Variants in POLDIP3 observed in about 807,000 individuals in gnomAD.
POLDIP3 encodes the protein DNA polymerase delta interacting protein 3.
POLDIP3 carries 14 observed loss-of-function variants against 45.1 expected under a neutral mutation model. That is an observed-to-expected ratio of 0.31 (90% confidence interval 0.20 to 0.49). The LOEUF is 0.49. Among genes scored for constraint, POLDIP3 ranks in the 20% least tolerant of loss-of-function variants. The pLI is 0.99. For synonymous variants in POLDIP3, 223 were observed against 205.2 expected, an observed-to-expected ratio of 1.09 and a Z score of -0.74; for missense variants, 511 against 538.8, an observed-to-expected ratio of 0.95 and a Z score of 0.51.
chr22:42,588,625 TCTTTC>T (rs1478214183), intron 7 of POLDIP3, among the ~76,000 whole-genome samples: 1 of 148,184 alleles, frequency 6.7e-6, no homozygotes, highest in Non-Finnish European at 1.5e-5. Context: ...CATTTTTCTT[TCTTTC>T]TTTTTTTTTT....
rs929597341 is a variant in POLDIP3, at chr22:42,585,008, C to G, written c.*783G>C. The G allele has an allele frequency of 8.8e-6, 4 of 456,320 alleles. No homozygotes were observed. The highest frequency in any genetic ancestry group is 1.3e-5 in the Non-Finnish European group (3 of 226,970). 28.3% of individuals were successfully genotyped at this position (456,320 alleles called of 1,614,324 possible). On this transcript the variant is annotated 3_prime_UTR_variant, in exon 9 of 9. Coordinates refer to ENST00000252115, the MANE Select transcript of POLDIP3 (RefSeq NM_032311.5). ...GTTAAGTGCCAGGCGAGGTGAGAACCGGGAGGGCTCACAACACAGCCCCCT... is the reference window on the plus strand; with the variant it reads ...GTTAAGTGCCAGGCGAGGTGAGAACGGGGAGGGCTCACAACACAGCCCCCT...
intron 1 of POLDIP3, among the ~76,000 whole-genome samples, chr22:42,608,039 C>T (rs1001381070): frequency 2.0e-5 from 3 of 151,812 alleles, no homozygotes; most frequent in East Asian, 3.9e-4. Context: ...TCTGCCCGGC[C>T]GCCACCCCGT....
chr22:42,603,181 C>T (rs1238519882), intron 1 of POLDIP3, 21 bp from the exon 2 acceptor site: 1 of 1,608,880 alleles, frequency 6.2e-7, no homozygotes, highest in Non-Finnish European at 8.5e-7. Context: ...AAATTGCAAT[C>T]AATATTAAGT....
At chr22:42,597,786 T>TC (rs1331905424) in intron 4 of POLDIP3, 2 of 454,504 alleles carry the variant, frequency 4.4e-6, no homozygotes, top group East Asian at 7.1e-5. Flanking sequence ...ACCTCTTTTT[T>TC]TTTTTTTTTT....
At chr22:42,593,017 C>T (rs889656528) in intron 6 of POLDIP3, among the ~76,000 whole-genome samples, 2 of 152,124 alleles carry the variant, frequency 1.3e-5, no homozygotes, top group African/African-American at 2.4e-5. Flanking sequence ...GTTCCAGAAC[C>T]GCTCGCAGAT....
At chr22:42,598,284 C>T (rs1437851227) in intron 4 of POLDIP3, among the ~76,000 whole-genome samples, 5 of 147,982 alleles carry the variant, frequency 3.4e-5, no homozygotes, top group African/African-American at 1.3e-4. Flanking sequence ...CAGAGTCTCG[C>T]TCTGTCGCCC....
In POLDIP3 at chr22:42,602,804, A is replaced by T; in HGVS notation, c.416T>A (p.Val139Glu). The change falls in exon 2 of 9, where the codon GTG (valine) becomes GAG (glutamate). Residue 139 changes from valine (V) to glutamate (E), a missense_variant. By Grantham distance (121) the Val-to-Glu change is moderately radical. Around this residue, in one of 4 missense-constraint regions of POLDIP3, gnomAD observed 378 missense variants for 352.3 expected, o/e 1.07. Coordinates refer to ENST00000252115, the MANE Select transcript of POLDIP3 (RefSeq NM_032311.5). ...AAFINPPIGTVTPALKLTKTI... is the reference protein window; with the variant it reads ...AAFINPPIGTETPALKLTKTI... Reference sequence around the variant, plus strand: ...TTTGGTGAGCTTCAGAGCAGGGGTCACTGTCCCAATGGGTGGGTTTATGAA... The same window carrying T: ...TTTGGTGAGCTTCAGAGCAGGGGTCTCTGTCCCAATGGGTGGGTTTATGAA... The T allele has an allele frequency of 2.5e-6, 4 of 1,611,164 alleles. No homozygotes were observed. Among genetic ancestry groups the T allele is most frequent in the Non-Finnish European group, 3.4e-6 (4 of 1,179,322 alleles).
intron 5 of POLDIP3, 76 bp from the exon 6 acceptor site, chr22:42,595,690 C>T (rs1360094504): frequency 1.3e-5 from 18 of 1,374,534 alleles, no homozygotes; most frequent in Admixed American, 6.8e-5. Flanking sequence ...CCTCCAGGCA[C>T]GTGACTAGGA....
intron 1 of POLDIP3, among the ~76,000 whole-genome samples, chr22:42,613,705 G>T (rs1023892064): frequency 6.6e-6 from 1 of 152,290 alleles, no homozygotes; most frequent in African/African-American, 2.4e-5. Flanking sequence ...AGGTTGCAGT[G>T]AGCCGAGATG....
intron 4 of POLDIP3, 45 bp downstream of exon 4, chr22:42,599,653 C>T: frequency 1.4e-6 from 2 of 1,406,784 alleles, no homozygotes; most frequent in Non-Finnish European, 2.0e-6. Context: ...CCTCTCCCAC[C>T]TGCCTGATCA....
At chr22:42,596,071 T>C in intron 5 of POLDIP3, 115 bp downstream of exon 5, 4 of 1,195,078 alleles carry the variant, frequency 3.3e-6, no homozygotes, top group Middle Eastern at 2.9e-4. Context: ...TGCTCATCTG[T>C]AGAATGGGGG....
rs34026006 is a variant in POLDIP3 at position 42,608,264 on chromosome 22, C to CCCA, written c.60-5105_60-5104insTGG. On this transcript the variant is annotated intron_variant, in intron 1 of 8. Transcript: ENST00000252115. ...TAATCTATAACCTTACCCCCCCCCC[C>CCCA]AAAAAAAAATTAGCTGCAAGTGATG... Among the ~76,000 whole-genome samples the CCCA allele has an allele frequency of 8.7e-5, 10 of 114,642 alleles. 1 individual carries two copies. Among genetic ancestry groups the CCCA allele is most frequent in the African/African-American group, 3.4e-4 (10 of 29,758 alleles). The allele number at this position is 114,642 out of a possible 152,430, so 75.2% of individuals were successfully genotyped here. A position where few individuals can be genotyped will look rare whatever the true frequency, so the allele number is the denominator to read the frequency against.
chr22:42,597,914 G>C (rs1455382733), intron 4 of POLDIP3, among the ~76,000 whole-genome samples: 1 of 151,596 alleles, frequency 6.6e-6, no homozygotes, highest in Non-Finnish European at 1.5e-5. Context: ...CGAGCAGCTG[G>C]GATTACAGGC....
chr22:42,597,638 TTCAATTAGGGTA>T (rs1336038275), intron 4 of POLDIP3: 2 of 453,272 alleles, frequency 4.4e-6, no homozygotes, highest in African/African-American at 4.1e-5. Flanking sequence ...ATGGCATTTA[TTCAATTAGGGTA>T]TCAAATAGGG....
intron 4 of POLDIP3, 58 bp downstream of exon 4, chr22:42,599,640 C>G (rs539793995): frequency 2.1e-5 from 27 of 1,282,236 alleles, no homozygotes; most frequent in Non-Finnish European, 2.9e-5. Context: ...CTATTCAACA[C>G]GACCTCTCCC....
At position 42,585,727 on chromosome 22, in the gene POLDIP3, C is replaced by T. The variant is rs928865967; in HGVS notation, c.*64G>A. 73 of 1,543,570 alleles carry T rather than the reference C, an allele frequency of 4.7e-5. No individual in the cohort carries two copies. The highest frequency in any genetic ancestry group is 6.2e-5 in the Non-Finnish European group (71 of 1,138,838). On this transcript the variant is annotated 3_prime_UTR_variant, in exon 9 of 9. Transcript: ENST00000252115. Reference sequence around the variant, plus strand: ...AGTCCGATGGCCCATTGGTCATAAGCTTTGCCTTGGGGAAACAGAGCCACC... The same window carrying T: ...AGTCCGATGGCCCATTGGTCATAAGTTTTGCCTTGGGGAAACAGAGCCACC...
intron 1 of POLDIP3, among the ~76,000 whole-genome samples, chr22:42,604,849 CCT>C (rs1926619949): frequency 6.6e-6 from 1 of 152,216 alleles, no homozygotes; most frequent in Admixed American, 6.5e-5. Flanking sequence ...CCCCAAAATT[CCT>C]CTGTTGAAGC....
chr22:42,587,449 G>A (rs1234414591), intron 8 of POLDIP3, 57 bp downstream of exon 8: 1 of 1,518,696 alleles, frequency 6.6e-7, no homozygotes, highest in African/African-American at 1.4e-5. Context: ...TTACCCATTA[G>A]AACAAAAAGA....
chr22:42,609,026 C>A (rs1182760334), intron 1 of POLDIP3, among the ~76,000 whole-genome samples: 1 of 152,190 alleles, frequency 6.6e-6, no homozygotes. Context: ...AGGCATTAGT[C>A]ATCGGAAATT....
Sources: allele counts gnomAD v4.1 joint callset (sites outside exome capture counted in the v4.1 genomes callset), GRCh38; gene constraint gnomAD v4.1.1; regional missense constraint gnomAD v4.1.1; transcripts MANE v1.5; gene names NCBI Gene and HGNC (gene_info 2026-07-23, HGNC 2026-07-21).